CD40LG: variants seen among roughly 807,000 people sequenced by gnomAD.
CD40LG encodes CD40 ligand, also known as CD40 antigen ligand.
CD40LG carries 1 observed loss-of-function variant against 17.2 expected under a neutral mutation model. That is an observed-to-expected ratio of 0.06 (90% CI 0.02 to 0.28). The LOEUF is 0.28. Among genes scored for constraint, CD40LG ranks in the 10% least tolerant of loss-of-function variants. The pLI is 1.00. For synonymous variants in CD40LG, 66 were observed against 74.4 expected (o/e 0.89, Z 0.58); for missense variants, 133 against 193.2 (o/e 0.69, Z 1.85).
At chrX:136,657,005 T>C (rs2148553130) in intron 4 of CD40LG, among the ~76,000 whole-genome samples, 1 of 112,498 alleles carries the variant, frequency 8.9e-6, no homozygotes, top group South Asian at 3.7e-4. Context: ...TTCTAGCCTT[T>C]AGATATTTTT....
At chrX:136,648,918 G>A (rs1183512709) in intron 1 of CD40LG, among the ~76,000 whole-genome samples, 1 of 112,010 alleles carries the variant, frequency 8.9e-6, no homozygotes, top group Non-Finnish European at 1.9e-5. Flanking sequence ...CATAGACATG[G>A]ATAAGTCCCA....
chrX:136,659,026 T>C lies in CD40LG; in HGVS notation c.410-13T>C, dbSNP rs3092923. ...CTTCACCTCACCACAAACTTTCCCT[T>C]TCTTTGTAACAGTGTTACAGTGGGC... On this transcript the variant is annotated splice_polypyrimidine_tract_variant and intron_variant, in intron 4 of 4. Transcript: ENST00000370629. 0.13 allele frequency: 156,459 copies of C among 1,206,594 alleles called. 15,267 individuals are homozygous for C. The highest frequency in any genetic ancestry group is 0.71 in the African/African-American group (40,243 of 56,643).
At position 136,650,251 on chromosome X, in the gene CD40LG, G is replaced by T. The variant is rs1176649050; in HGVS notation, c.157-15G>T. 1 of 1,160,754 alleles carries T rather than the reference G, an allele frequency of 8.6e-7. No homozygotes were observed. The highest frequency in any genetic ancestry group is 2.2e-5 in the Admixed American group (1 of 45,854). On this transcript the variant is annotated splice_polypyrimidine_tract_variant and intron_variant, in intron 1 of 4. Transcript: ENST00000370629. ...TCCGAATGACATTTATCATATCCTT[G>T]TTATTCCAAAATAGATAGAAGATGA...
rs1448347529 is a variant in CD40LG, at chrX:136,660,107, C to CACACACACAT, written c.*701_*702insTACACACACA. ...CTCTCTTCTCAATCCCCCTTTCTAA[C>CACACACACAT]ACACACACACACACACACACACACA... On this transcript the variant is annotated 3_prime_UTR_variant, in exon 5 of 5. Transcript: ENST00000370629. The CACACACACAT allele has an allele frequency of 2.5e-5, 1 of 40,601 alleles. No individual in the cohort carries two copies. The highest frequency in any genetic ancestry group is 1.6e-4 in the African/African-American group (1 of 6,203). The allele number at this position is 40,601 out of a possible 1,213,427, so 3.3% of individuals were successfully genotyped here. A position where few individuals can be genotyped will look rare whatever the true frequency, so the allele number is the denominator to read the frequency against.
chrX:136,656,757 C>T (rs1463847965), intron 4 of CD40LG, among the ~76,000 whole-genome samples: 1 of 111,690 alleles, frequency 9.0e-6, no homozygotes, highest in African/African-American at 3.3e-5. Context: ...ATCCCTCCTC[C>T]TAACCCATCT....
rs1177123988 is a variant in CD40LG, at chrX:136,657,884, C to T, written c.410-1155C>T. 1.8e-5 allele frequency among the ~76,000 whole-genome samples: 2 copies of T among 111,675 alleles called. 1 individual carries two copies. The highest frequency in any genetic ancestry group is 5.6e-4 in the East Asian group (2 of 3,556). On this transcript the variant is annotated intron_variant, in intron 4 of 4. Transcript: ENST00000370629. ...TTCCACCCCCACCCCAGTCCCAAAC[C>T]TCTTCTTCCTACCTAGCCATGCTGC...
At chrX:136,654,285 T>A in intron 2 of CD40LG, 88 bp from the exon 3 acceptor site, 2 of 663,281 alleles carry the variant, frequency 3.0e-6, no homozygotes, top group Middle Eastern at 3.8e-4. Flanking sequence ...GACAACAGAG[T>A]AATGACAGAT....
chrX:136,649,135 A>G (rs187373846), intron 1 of CD40LG, among the ~76,000 whole-genome samples: 20 of 112,204 alleles, frequency 1.8e-4, no homozygotes, highest in Non-Finnish European at 3.4e-4. Flanking sequence ...GTTTTCATGT[A>G]TTTTTTCACT....
chrX:136,656,022 T>A (rs1445423559), intron 3 of CD40LG, among the ~76,000 whole-genome samples: 1 of 112,154 alleles, frequency 8.9e-6, no homozygotes, highest in Admixed American at 9.4e-5. Flanking sequence ...TGGAGCCCAC[T>A]AAAATCCCCA....
chrX:136,659,116 G>A lies in CD40LG; in HGVS notation c.487G>A (p.Val163Ile), dbSNP rs199914973. 137 of 1,208,094 alleles carry A rather than the reference G, an allele frequency of 1.1e-4. No homozygotes were observed. Among genetic ancestry groups the A allele is most frequent in the Admixed American group, 2.0e-4 (9 of 45,770 alleles). Residue 163 changes from valine to isoleucine, a missense_variant, in exon 5 of 5, where the codon GTT (valine) becomes ATT (isoleucine). Val to Ile is a conservative substitution (Grantham distance 29). Transcript: ENST00000370629. Reference sequence around the variant, plus strand: ...CCTGGAAAATGGGAAACAGCTGACCGTTAAAAGACAAGGACTCTATTATAT... The same window carrying A: ...CCTGGAAAATGGGAAACAGCTGACCATTAAAAGACAAGGACTCTATTATAT... ...VTLENGKQLT[V>I]KRQGLYYIYA... is the part of the protein sequence containing the mutation.
At chrX:136,652,941 G>A (rs888196027) in intron 2 of CD40LG, among the ~76,000 whole-genome samples, 2 of 110,209 alleles carry the variant, frequency 1.8e-5, no homozygotes, top group Non-Finnish European at 3.8e-5. Context: ...GAGGTGGGGA[G>A]TGAAGCAAGA....
In CD40LG at chrX:136,654,355, C is replaced by A. The variant is rs1186292119; in HGVS notation, c.289-18C>A. 6.9e-6 allele frequency: 8 copies of A among 1,156,237 alleles called. No individual in the cohort carries two copies. In the Admixed American group the frequency reaches 1.7e-4, roughly 25 times the overall value. ...GAGCCCCTGTCAAAATGACCTCTTG[C>A]AATGCTTCTTATTTTAGGATATAAT... On this transcript the variant is annotated intron_variant, in intron 2 of 4. Transcript: ENST00000370629.
chrX:136,648,624 T>C (rs1300314514), intron 1 of CD40LG, among the ~76,000 whole-genome samples: 1 of 111,897 alleles, frequency 8.9e-6, no homozygotes, highest in Admixed American at 9.5e-5. Context: ...GCTCTGCCCA[T>C]ACCATCTCTG....
intron 4 of CD40LG, among the ~76,000 whole-genome samples, chrX:136,658,521 G>A (rs180843026): frequency 8.9e-6 from 1 of 111,901 alleles, no homozygotes; most frequent in Non-Finnish European, 1.9e-5. Flanking sequence ...GCATGATCAG[G>A]TAGGAAGAAA....
Position 136,659,550 on chromosome X carries a change from C to A in CD40LG, c.*135C>A. ...TCCTTATGGAGAACTATTTATTATA[C>A]ACTCCAAGGCATGTAGAACTGTAAT... On this transcript the variant is annotated 3_prime_UTR_variant, in exon 5 of 5. Transcript: ENST00000370629. The A allele has an allele frequency of 1.6e-6, 1 of 635,388 alleles. No homozygotes were observed. The allele number at this position is 635,388 out of a possible 1,213,427, so 52.4% of individuals were successfully genotyped here.
intron 4 of CD40LG, among the ~76,000 whole-genome samples, chrX:136,658,023 T>A (rs2076123773): frequency 9.0e-6 from 1 of 111,505 alleles, no homozygotes; most frequent in African/African-American, 3.3e-5. Flanking sequence ...AATAAAATGG[T>A]TCAAAAGGGC....
At chrX:136,658,679 T>C in intron 4 of CD40LG, among the ~76,000 whole-genome samples, 1 of 112,148 alleles carries the variant, frequency 8.9e-6, no homozygotes, top group Admixed American at 9.5e-5. Context: ...ATGTCAAATT[T>C]TGAAATCATT....
chrX:136,654,948 C>T lies in CD40LG; in HGVS notation c.346+518C>T, dbSNP rs3092934. ...GAGTTCTCAAATCCAGCACCATCCCCACAACAAAAATCTCCTTCACAATAA... is the reference window on the plus strand; with the variant it reads ...GAGTTCTCAAATCCAGCACCATCCCTACAACAAAAATCTCCTTCACAATAA... On this transcript the variant is annotated intron_variant, in intron 3 of 4. Transcript: ENST00000370629. Among the ~76,000 whole-genome samples the T allele has an allele frequency of 4.7e-3, 525 of 111,229 alleles. 2 individuals carry two copies. Among genetic ancestry groups the T allele is most frequent in the African/African-American group, 0.017 (515 of 30,595 alleles).
rs189939614 is a variant in CD40LG at position 136,658,863 on chromosome X, G to A, written c.410-176G>A. 2.9e-3 allele frequency among the ~76,000 whole-genome samples: 325 copies of A among 111,786 alleles called. 2 individuals carry two copies. Among genetic ancestry groups the A allele is most frequent in the African/African-American group, 9.9e-3 (306 of 30,754 alleles). ...CATGGAGATTTAGAGACTTGCCCAA[G>A]CTTAAATAGAGCCTAGATTGGAACA... On this transcript the variant is annotated intron_variant, in intron 4 of 4. Coordinates refer to ENST00000370629, the MANE Select transcript of CD40LG (RefSeq NM_000074.3).
Sources: allele counts gnomAD v4.1 joint callset (sites outside exome capture counted in the v4.1 genomes callset), GRCh38; gene constraint gnomAD v4.1.1; transcripts MANE v1.5; gene names NCBI Gene and HGNC (gene_info 2026-07-23, HGNC 2026-07-21).